SLC9A9: variants seen among roughly 807,000 people sequenced by gnomAD.
The protein encoded by SLC9A9 is sodium/hydrogen exchanger 9.
Under a neutral mutation model 77.8 loss-of-function variants are expected in SLC9A9, and 62 were observed. The observed-to-expected ratio is 0.80, with a 90% CI of 0.65 to 0.98. The LOEUF (loss-of-function observed/expected upper bound fraction) is 0.98, where lower values mean the gene tolerates loss of function less well. SLC9A9 is among the 50% of genes least tolerant of loss of function. SLC9A9 has a pLI of 0.00. For synonymous variants in SLC9A9, 320 were observed against 283.5 expected (o/e 1.13, Z -1.29); for missense variants, 775 against 774.9 (o/e 1.00, Z 0.00).
intron 4 of SLC9A9, among the ~76,000 whole-genome samples, chr3:143,729,513 T>C (rs145643044): frequency 1.8e-3 from 279 of 152,298 alleles, no homozygotes; most frequent in African/African-American, 6.3e-3. Context: ...GCCTCCATGA[T>C]AGCAGGGACT....
chr3:143,657,516 C>G (rs1328465795), intron 5 of SLC9A9, among the ~76,000 whole-genome samples: 1 of 152,120 alleles, frequency 6.6e-6, no homozygotes, highest in African/African-American at 2.4e-5. Context: ...GGAAGATCCT[C>G]AAGGTCAAAA....
In SLC9A9 at chr3:143,451,060, G is replaced by A. The variant is rs139458636; in HGVS notation, c.1469+15977C>T. Among the ~76,000 whole-genome samples the A allele has an allele frequency of 7.1e-3, 1,073 of 152,038 alleles. 6 individuals carry two copies. The highest frequency in any genetic ancestry group is 0.01 in the Non-Finnish European group (696 of 67,986). ...AGCAGACAGACAGTGCCACCAAGAA[G>A]AAAACCATTGGAGATGCTTTTGAAT... On this transcript the variant is annotated intron_variant, in intron 12 of 15. Coordinates refer to ENST00000316549, the MANE Select transcript of SLC9A9 (RefSeq NM_173653.4).
intron 11 of SLC9A9, among the ~76,000 whole-genome samples, chr3:143,480,976 A>G (rs1404186736): frequency 6.6e-6 from 1 of 152,208 alleles, no homozygotes; most frequent in Non-Finnish European, 1.5e-5. Context: ...CTTGTAGATA[A>G]ATTTAAAGAA....
At chr3:143,690,088 C>T (rs969152614) in intron 5 of SLC9A9, among the ~76,000 whole-genome samples, 1 of 151,902 alleles carries the variant, frequency 6.6e-6, no homozygotes, top group African/African-American at 2.4e-5. Flanking sequence ...TTTAACTGTA[C>T]ATCACTAGTG....
chr3:143,785,848 T>TC (rs1287843598), intron 4 of SLC9A9, among the ~76,000 whole-genome samples: 1 of 29,776 alleles, frequency 3.4e-5, no homozygotes, highest in Non-Finnish European at 4.8e-5. Flanking sequence ...AATTTTTCTT[T>TC]TTTTTTTTTT....
chr3:143,518,272 TC>T, intron 9 of SLC9A9: 1 of 1,439,082 alleles, frequency 6.9e-7, no homozygotes, highest in Non-Finnish European at 9.7e-7. Flanking sequence ...GCAGCCCGGT[TC>T]CAGGCCCAGG....
At chr3:143,646,324 C>A (rs1270947651) in intron 6 of SLC9A9, among the ~76,000 whole-genome samples, 2 of 147,368 alleles carry the variant, frequency 1.4e-5, no homozygotes, top group East Asian at 2.0e-4. Context: ...TAATTATATT[C>A]ATATATAATA....
chr3:143,823,642 C>T (rs1440615278), intron 2 of SLC9A9, among the ~76,000 whole-genome samples: 1 of 149,202 alleles, frequency 6.7e-6, no homozygotes, highest in Non-Finnish European at 1.5e-5. Flanking sequence ...TACTATGTAC[C>T]CACAAAAATA....
intron 11 of SLC9A9, among the ~76,000 whole-genome samples, chr3:143,483,464 T>G (rs1430542117): frequency 6.6e-6 from 1 of 152,208 alleles, no homozygotes; most frequent in East Asian, 1.9e-4. Flanking sequence ...TAGCTAAATC[T>G]TTCTTAAACT....
intron 6 of SLC9A9, among the ~76,000 whole-genome samples, chr3:143,643,653 G>A (rs1162239192): frequency 6.6e-6 from 1 of 152,032 alleles, no homozygotes; most frequent in East Asian, 1.9e-4. Flanking sequence ...AGTAATGTTC[G>A]CTTTTTAAAA....
At chr3:143,697,748 G>GAAA (rs71140449) in intron 4 of SLC9A9, among the ~76,000 whole-genome samples, 70,988 of 151,360 alleles carry the variant, frequency 0.47, 16,924 homozygotes, top group South Asian at 0.6. Flanking sequence ...AAAAAAGAAA[G>GAAA]ATTACTTATT....
chr3:143,748,692 C>CA (rs765700634), intron 4 of SLC9A9, among the ~76,000 whole-genome samples: 1 of 106,024 alleles, frequency 9.4e-6, no homozygotes, highest in Non-Finnish European at 1.9e-5. Flanking sequence ...TTTGACCAAG[C>CA]TTTTTTTTTT....
intron 14 of SLC9A9, among the ~76,000 whole-genome samples, chr3:143,332,540 G>C (rs750862057): frequency 5.3e-5 from 8 of 152,298 alleles, no homozygotes; most frequent in African/African-American, 1.9e-4. Context: ...TCAAGTCATT[G>C]GTTCTCAACC....
At chr3:143,406,422 A>C (rs2033981863) in intron 12 of SLC9A9, among the ~76,000 whole-genome samples, 1 of 151,670 alleles carries the variant, frequency 6.6e-6, no homozygotes, top group African/African-American at 2.4e-5. Context: ...TTGTCGCCCA[A>C]GGTGGAGTGC....
At chr3:143,647,068 A>G (rs1016205379) in intron 6 of SLC9A9, among the ~76,000 whole-genome samples, 1 of 152,146 alleles carries the variant, frequency 6.6e-6, no homozygotes, top group Non-Finnish European at 1.5e-5. Context: ...TGATAGGAGT[A>G]ACAGCAACAG....
At chr3:143,847,578 G>A (rs2009855895) in intron 1 of SLC9A9, 1 of 154,048 alleles carries the variant, frequency 6.5e-6, no homozygotes, top group Non-Finnish European at 1.4e-5. Flanking sequence ...AAAAAGTACT[G>A]CATAAAGAAA....
At chr3:143,761,876 A>G (rs923282101) in intron 4 of SLC9A9, among the ~76,000 whole-genome samples, 4 of 152,236 alleles carry the variant, frequency 2.6e-5, no homozygotes, top group Non-Finnish European at 5.9e-5. Flanking sequence ...ATGCTGCTAT[A>G]AAGACACATG....
intron 9 of SLC9A9, among the ~76,000 whole-genome samples, chr3:143,507,600 T>C (rs1490321013): frequency 1.3e-5 from 2 of 152,388 alleles, no homozygotes; most frequent in African/African-American, 4.8e-5. Flanking sequence ...CCAAAGCCCA[T>C]AGTTTACATA....
rs1168126445 is a variant in SLC9A9 at position 143,551,719 on chromosome 3, T to C, written c.1089+643A>G. 3.3e-5 allele frequency among the ~76,000 whole-genome samples: 5 copies of C among 152,208 alleles called. No individual in the cohort carries two copies. The South Asian group carries it at 1.0e-3, about 32-fold the overall frequency. On this transcript the variant is annotated intron_variant, in intron 9 of 15. Transcript: ENST00000316549. ...ACAATACTTATAAAATTGTGGCAAG[T>C]TGTTTGCGACACATCTGTGTCCTCA...
Sources: allele counts gnomAD v4.1 joint callset (sites outside exome capture counted in the v4.1 genomes callset), GRCh38; gene constraint gnomAD v4.1.1; transcripts MANE v1.5; gene names NCBI Gene and HGNC (gene_info 2026-07-23, HGNC 2026-07-21).